Variants in CSMD1 observed in about 807,000 individuals in gnomAD.
CSMD1 encodes CUB and sushi domain-containing protein 1.
Under a neutral mutation model 417.5 loss-of-function variants are expected in CSMD1, and 213 were observed. The observed-to-expected ratio is 0.51, with a 90% CI of 0.46 to 0.57. The LOEUF (loss-of-function observed/expected upper bound fraction) is 0.57. CSMD1 is among the 20% of genes least tolerant of loss of function. The pLI, the probability that CSMD1 is intolerant of heterozygous loss-of-function variation, is 0.00. For synonymous variants in CSMD1, 2,862 were observed against 1,736.8 expected, an observed-to-expected ratio of 1.65 and a Z score of -16.11; for missense variants, 6,923 against 4,529.7, an observed-to-expected ratio of 1.53 and a Z score of -15.17.
chr8:4,319,769 G>A (rs1452783511), intron 3 of CSMD1, among the ~76,000 whole-genome samples: 37 of 152,070 alleles, frequency 2.4e-4, no homozygotes, highest in Admixed American at 2.4e-3. Context: ...AGAGTTGCCG[G>A]GCAAAATACC....
At chr8:3,217,707 A>T (rs1382241701) in intron 29 of CSMD1, among the ~76,000 whole-genome samples, 1 of 152,302 alleles carries the variant, frequency 6.6e-6, no homozygotes, top group Middle Eastern at 3.4e-3. Flanking sequence ...TGATTGCTAA[A>T]TTGTATAATT....
At chr8:4,268,617 T>A (rs7004953) in intron 3 of CSMD1, among the ~76,000 whole-genome samples, 2,503 of 152,282 alleles carry the variant, frequency 0.016, 65 homozygotes, top group African/African-American at 0.055. Context: ...GCTATGGGAT[T>A]ACAGTCAAGT....
intron 3 of CSMD1, among the ~76,000 whole-genome samples, chr8:4,109,668 T>C (rs950185832): frequency 6.6e-6 from 1 of 152,168 alleles, no homozygotes; most frequent in African/African-American, 2.4e-5. Context: ...TTGTCCATTA[T>C]CATTAAATAA....
chr8:3,339,843 C>T (rs1438077419), intron 23 of CSMD1, among the ~76,000 whole-genome samples: 1 of 152,062 alleles, frequency 6.6e-6, no homozygotes, highest in Non-Finnish European at 1.5e-5. Context: ...GGTTATGGCT[C>T]CATTGGACAT....
At chr8:4,935,303 G>C (rs570846636) in intron 1 of CSMD1, among the ~76,000 whole-genome samples, 1 of 152,260 alleles carries the variant, frequency 6.6e-6, no homozygotes, top group African/African-American at 2.4e-5. Flanking sequence ...ACTGAGCTCA[G>C]GCAGAGGTCT....
At chr8:4,182,666 T>G (rs1798443975) in intron 3 of CSMD1, among the ~76,000 whole-genome samples, 1 of 152,158 alleles carries the variant, frequency 6.6e-6, no homozygotes, top group South Asian at 2.1e-4. Context: ...AAAAATAGAT[T>G]CACAAATTGT....
intron 7 of CSMD1, among the ~76,000 whole-genome samples, chr8:3,672,384 A>C (rs548020539): frequency 3.2e-4 from 48 of 152,278 alleles, no homozygotes; most frequent in African/African-American, 7.7e-4. Context: ...CCACTCTTGC[A>C]TTCTCAACCA....
At chr8:3,770,353 AC>A (rs1224176878) in intron 5 of CSMD1, among the ~76,000 whole-genome samples, 2 of 151,940 alleles carry the variant, frequency 1.3e-5, no homozygotes, top group South Asian at 2.1e-4. Context: ...ATGTGGTGAA[AC>A]CCCGTCTCTA....
intron 5 of CSMD1, among the ~76,000 whole-genome samples, chr8:3,828,019 A>G (rs1245108267): frequency 1.3e-5 from 2 of 152,210 alleles, no homozygotes; most frequent in African/African-American, 4.8e-5. Context: ...AGACTTTACA[A>G]TTATATGGAT....
chr8:4,518,622 G>C lies in CSMD1; in HGVS notation c.303-98557C>G, dbSNP rs192322622. 6.1e-3 allele frequency among the ~76,000 whole-genome samples: 830 copies of C among 136,172 alleles called. 3 individuals are homozygous for C. The highest frequency in any genetic ancestry group is 0.015 in the Middle Eastern group (4 of 262). The allele number at this position is 136,172 out of a possible 152,430, so 89.3% of individuals were successfully genotyped here. On this transcript the variant is annotated intron_variant, in intron 2 of 69. Coordinates refer to ENST00000635120, the MANE Select transcript of CSMD1 (RefSeq NM_033225.6). ...CACACACCGGGGACTGCTGTGGGGT[G>C]GGGGGCGGGGGGAGGAATCGCATTA...
At chr8:3,397,332 G>T (rs566619104) in intron 16 of CSMD1, among the ~76,000 whole-genome samples, 1 of 152,132 alleles carries the variant, frequency 6.6e-6, no homozygotes, top group Admixed American at 6.6e-5. Context: ...TGGGAGAGGG[G>T]AAGCAATCTT....
chr8:3,984,843 C>G (rs879117864), intron 5 of CSMD1, among the ~76,000 whole-genome samples: 2 of 148,672 alleles, frequency 1.3e-5, no homozygotes, highest in Non-Finnish European at 3.0e-5. Flanking sequence ...GAAAAAGGAG[C>G]AAGAAGAAAG....
At chr8:3,833,768 C>T (rs1166062929) in intron 5 of CSMD1, among the ~76,000 whole-genome samples, 2 of 152,182 alleles carry the variant, frequency 1.3e-5, no homozygotes, top group Admixed American at 1.3e-4. Flanking sequence ...GGCCCTGGTT[C>T]TCTTCTCTTG....
At chr8:4,353,660 C>G (rs1179366021) in intron 3 of CSMD1, among the ~76,000 whole-genome samples, 1 of 152,020 alleles carries the variant, frequency 6.6e-6, no homozygotes, top group East Asian at 1.9e-4. Context: ...TCTCAATCTG[C>G]CTTTACTCAT....
chr8:3,883,596 T>C (rs888571341), intron 5 of CSMD1, among the ~76,000 whole-genome samples: 21 of 152,124 alleles, frequency 1.4e-4, no homozygotes, highest in African/African-American at 5.1e-4. Context: ...AAATTAGTGT[T>C]ATTATTTATT....
At chr8:3,679,954 G>A (rs1396645011) in intron 7 of CSMD1, among the ~76,000 whole-genome samples, 1 of 152,130 alleles carries the variant, frequency 6.6e-6, no homozygotes, top group Non-Finnish European at 1.5e-5. Flanking sequence ...ATAACGAAAT[G>A]AAGGCAGAAA....
chr8:3,459,706 G>A (rs191872692), intron 12 of CSMD1, among the ~76,000 whole-genome samples: 6 of 152,162 alleles, frequency 3.9e-5, no homozygotes, highest in East Asian at 1.9e-4. Flanking sequence ...ATTGGGTTCC[G>A]AAAGGTCATC....
At chr8:3,738,847 C>T (rs35297424) in intron 6 of CSMD1, among the ~76,000 whole-genome samples, 42,742 of 152,016 alleles carry the variant, frequency 0.28, 6,855 homozygotes, top group South Asian at 0.39. Context: ...AAATAGGCAT[C>T]AATAAATGTT....
intron 43 of CSMD1, among the ~76,000 whole-genome samples, chr8:3,109,204 C>A (rs550382467): frequency 5.5e-4 from 84 of 152,242 alleles, no homozygotes; most frequent in African/African-American, 2.0e-3. Context: ...GGCGCTGGTT[C>A]CAGTGAGCCA....
Sources: allele counts gnomAD v4.1 joint callset (sites outside exome capture counted in the v4.1 genomes callset), GRCh38; gene constraint gnomAD v4.1.1; transcripts MANE v1.5; gene names NCBI Gene and HGNC (gene_info 2026-07-23, HGNC 2026-07-21).